The following OCA2 variants were observed in gnomAD, a reference collection of about 807,000 sequenced individuals.
OCA2 encodes the protein OCA2 melanosomal transmembrane protein.
A neutral mutation model predicts 100.2 loss-of-function variants in OCA2; 77 were observed. That is an observed-to-expected ratio of 0.77 (90% CI 0.64 to 0.93). The LOEUF (loss-of-function observed/expected upper bound fraction) is 0.93, where lower values mean the gene tolerates loss of function less well. Among genes scored for constraint, OCA2 ranks in the 40% least tolerant of loss-of-function variants. The pLI is 0.00. For synonymous variants in OCA2, 432 were observed against 439.2 expected, an observed-to-expected ratio of 0.98 and a Z score of 0.21; for missense variants, 1,062 against 1,089.1, an observed-to-expected ratio of 0.98 and a Z score of 0.35.
At chr15:28,011,011 C>T (rs2042224253) in intron 9 of OCA2, among the ~76,000 whole-genome samples, 2 of 152,120 alleles carry the variant, frequency 1.3e-5, no homozygotes, top group South Asian at 4.1e-4. Flanking sequence ...AATAGAGAAC[C>T]CAGAGAGATA....
chr15:27,860,455 A>G (rs2036089812), intron 21 of OCA2, among the ~76,000 whole-genome samples: 1 of 151,510 alleles, frequency 6.6e-6, no homozygotes, highest in Non-Finnish European at 1.5e-5. Context: ...CTCATCCCTC[A>G]CTCCTCCCTT....
intron 14 of OCA2, among the ~76,000 whole-genome samples, chr15:27,970,309 A>G (rs2040729448): frequency 6.6e-6 from 1 of 152,032 alleles, no homozygotes; most frequent in South Asian, 2.1e-4. Flanking sequence ...AAAAAACCCC[A>G]TAAAGGAAAT....
chr15:28,018,549 G>A lies in OCA2; in HGVS notation c.655C>T (p.Leu219Phe), dbSNP rs552997127. The A allele has an allele frequency of 1.9e-5, 31 of 1,613,258 alleles. 1 individual carries two copies. The African/African-American group carries it at 4.0e-4, about 21-fold the overall frequency. Reference sequence around the variant, plus strand: ...AGCGTGGAGTCCACGTGGCTGCTAAGGTTCACGGCTCGGAGAGTGTCAAGG... The same window carrying A: ...AGCGTGGAGTCCACGTGGCTGCTAAAGTTCACGGCTCGGAGAGTGTCAAGG... Reference protein sequence around the residue: ...LSPLENYSVNLSSHVDSTLLQ... With the variant: ...LSPLENYSVNFSSHVDSTLLQ... Residue 219 changes from leucine (L) to phenylalanine (F), a missense_variant, in exon 7 of 24, where the codon CTT (leucine) becomes TTT (phenylalanine). Coordinates refer to ENST00000354638, the MANE Select transcript of OCA2 (RefSeq NM_000275.3).
At chr15:27,753,575 T>C (rs533974150), downstream of OCA2, among the ~76,000 whole-genome samples, 1 of 151,702 alleles carries the variant, frequency 6.6e-6, no homozygotes, top group South Asian at 2.1e-4. Context: ...CTACTAAAAA[T>C]ACAAAAACAA....
chr15:27,894,657 G>A (rs1380257635), intron 19 of OCA2, among the ~76,000 whole-genome samples: 1 of 152,192 alleles, frequency 6.6e-6, no homozygotes, highest in Non-Finnish European at 1.5e-5. Flanking sequence ...GCCCACAGAT[G>A]AGATTGTGAC....
intron 18 of OCA2, among the ~76,000 whole-genome samples, chr15:27,926,757 C>T (rs1329951613): frequency 1.3e-5 from 2 of 151,970 alleles, no homozygotes; most frequent in East Asian, 1.9e-4. Flanking sequence ...GGATTACAGT[C>T]ATGCACCACC....
intron 21 of OCA2, among the ~76,000 whole-genome samples, chr15:27,858,072 T>C (rs571316832): frequency 6.6e-6 from 1 of 150,936 alleles, no homozygotes; most frequent in East Asian, 2.0e-4. Context: ...ATCTAAGATA[T>C]GCAGAAAAGA....
Position 28,070,478 on chromosome 15 carries a change from C to T in OCA2, c.227+11170G>A, listed in dbSNP as rs1471071150. ...CCCCCACCCGGCCAGCCGCCCAGTC[C>T]GGGAGGGAGGTGGGGGGGTCAGCCC... On this transcript the variant is annotated intron_variant, in intron 2 of 23. Coordinates refer to ENST00000354638, the MANE Select transcript of OCA2 (RefSeq NM_000275.3). Among the ~76,000 whole-genome samples the T allele has an allele frequency of 1.5e-4, 19 of 123,206 alleles. 1 individual carries two copies. Among genetic ancestry groups the T allele is most frequent in the African/African-American group, 7.5e-4 (17 of 22,766 alleles). 80.8% of individuals were successfully genotyped at this position (123,206 alleles called of 152,430 possible).
chr15:28,064,968 CA>C (rs2043981779), intron 2 of OCA2, among the ~76,000 whole-genome samples: 2 of 151,774 alleles, frequency 1.3e-5, no homozygotes, highest in Non-Finnish European at 2.9e-5. Flanking sequence ...GGTACTTTTC[CA>C]AACTATTTTT....
At chr15:27,876,363 C>G (rs897929889) in intron 19 of OCA2, among the ~76,000 whole-genome samples, 1 of 151,898 alleles carries the variant, frequency 6.6e-6, no homozygotes, top group African/African-American at 2.4e-5. Context: ...GATTTGATAT[C>G]TTGTTTGGAT....
intron 2 of OCA2, among the ~76,000 whole-genome samples, chr15:28,081,017 T>G (rs990712043): frequency 2.6e-5 from 4 of 152,042 alleles, no homozygotes; most frequent in Non-Finnish European, 5.9e-5. Flanking sequence ...ATACCACATA[T>G]TCTCACGACA....
chr15:27,783,002 G>A (rs2032621494), intron 23 of OCA2, among the ~76,000 whole-genome samples: 1 of 152,186 alleles, frequency 6.6e-6, no homozygotes, highest in Admixed American at 6.5e-5. Flanking sequence ...ATAGGGCTAT[G>A]GGTTTATAGG....
At chr15:27,995,604 G>A (rs928061616) in intron 9 of OCA2, among the ~76,000 whole-genome samples, 1 of 151,180 alleles carries the variant, frequency 6.6e-6, no homozygotes, top group African/African-American at 2.4e-5. Flanking sequence ...TGCCCAAGCT[G>A]GTCTTGAACT....
At chr15:27,986,565 T>C (rs1439113004) in intron 12 of OCA2, 22 bp downstream of exon 12, 1 of 1,445,472 alleles carries the variant, frequency 6.9e-7, no homozygotes, top group South Asian at 1.1e-5. Flanking sequence ...GATAGAATTA[T>C]TAAATGCAAC....
intron 18 of OCA2, among the ~76,000 whole-genome samples, chr15:27,944,751 A>C (rs2039774119): frequency 6.6e-6 from 1 of 152,140 alleles, no homozygotes; most frequent in Non-Finnish European, 1.5e-5. Flanking sequence ...ATTCTTCCCC[A>C]AAATTGTCCT....
chr15:27,982,582 A>G lies in OCA2; in HGVS notation c.1503+763T>C, dbSNP rs2041204090. ...CACTGCTTCCATGAAGCGGCCATTA[A>G]CACCCTGGAGCCATGGATTCTCAAA... On this transcript the variant is annotated intron_variant, in intron 14 of 23. Transcript: ENST00000354638. Among the ~76,000 whole-genome samples, 4 of 152,198 alleles carry G rather than the reference A, an allele frequency of 2.6e-5. No individual in the cohort carries two copies. The South Asian group carries it at 8.3e-4, about 31-fold the overall frequency.
intron 23 of OCA2, among the ~76,000 whole-genome samples, chr15:27,794,282 G>A (rs1238904789): frequency 6.6e-6 from 1 of 152,130 alleles, no homozygotes; most frequent in East Asian, 1.9e-4. Flanking sequence ...AGCGCAGATG[G>A]CTACAGGATG....
At chr15:27,816,494 G>T (rs1470340680) in intron 23 of OCA2, among the ~76,000 whole-genome samples, 2 of 152,162 alleles carry the variant, frequency 1.3e-5, no homozygotes, top group Non-Finnish European at 2.9e-5. Context: ...TGTCCCATTC[G>T]TAAGTATGGG....
chr15:28,018,658 G>C (rs530653760), intron 6 of OCA2, 101 bp from the exon 7 acceptor site: 1 of 1,171,938 alleles, frequency 8.5e-7, no homozygotes, highest in Admixed American at 2.0e-5. Context: ...GTGAAGAAAT[G>C]CGTTTCCCCA....
Sources: gnomAD v4.1 joint callset for allele counts (sites outside exome capture counted in the v4.1 genomes callset) on GRCh38, gnomAD v4.1.1 for gene constraint, MANE v1.5 for transcripts, NCBI Gene and HGNC (gene_info 2026-07-23, HGNC 2026-07-21) for gene names.